The following RPTOR variants were observed in gnomAD, a reference collection of about 807,000 sequenced individuals.
RPTOR encodes the protein regulatory-associated protein of mTOR.
RPTOR carries 21 observed loss-of-function variants against 169.9 expected under a neutral mutation model. The ratio of observed to expected loss-of-function variants is 0.12; its 90% CI spans 0.09 to 0.18. The LOEUF is 0.18. RPTOR is among the 10% of genes least tolerant of loss of function. RPTOR has a pLI of 1.00. For synonymous variants in RPTOR, 732 were observed against 753.2 expected, an observed-to-expected ratio of 0.97 and a Z score of 0.46; for missense variants, 1,133 against 1,855.9, an observed-to-expected ratio of 0.61 and a Z score of 7.16.
chr17:80,720,364 AAG>A (rs978416186), intron 4 of RPTOR, among the ~76,000 whole-genome samples: 1 of 152,234 alleles, frequency 6.6e-6, no homozygotes, highest in African/African-American at 2.4e-5. Flanking sequence ...GATTTTTAAA[AAG>A]TGATATTTAT....
At position 80,964,635 on chromosome 17, in the gene RPTOR, T is replaced by G. The variant is rs1188165494; in HGVS notation, c.*305T>G. Reference sequence around the variant, plus strand: ...CCTGTTCTGTGTTTCTCTGAGACGCTGAAAGGGGAAACACCTCACTTTATT... The same window carrying G: ...CCTGTTCTGTGTTTCTCTGAGACGCGGAAAGGGGAAACACCTCACTTTATT... On this transcript the variant is annotated 3_prime_UTR_variant, in exon 34 of 34. Transcript: ENST00000306801. The G allele has an allele frequency of 1.8e-5, 8 of 448,990 alleles. No individual in the cohort carries two copies. Among genetic ancestry groups the G allele is most frequent in the Non-Finnish European group, 2.4e-5 (6 of 245,870 alleles). The allele number at this position is 448,990 out of a possible 1,614,324, so 27.8% of individuals were successfully genotyped here.
chr17:80,629,714 C>A (rs1046007964), intron 2 of RPTOR, among the ~76,000 whole-genome samples: 12 of 151,388 alleles, frequency 7.9e-5, no homozygotes, highest in African/African-American at 2.4e-4. Context: ...TACCGCAGCT[C>A]TTCCATGTGT....
intron 2 of RPTOR, among the ~76,000 whole-genome samples, chr17:80,634,507 CTGTG>C (rs1371667192): frequency 3.7e-5 from 4 of 106,980 alleles, no homozygotes; most frequent in African/African-American, 1.7e-4. Flanking sequence ...TGTGTGCATA[CTGTG>C]TGTGTGTGCG....
chr17:80,877,640 G>T (rs1312551628), intron 13 of RPTOR, among the ~76,000 whole-genome samples: 1 of 152,216 alleles, frequency 6.6e-6, no homozygotes, highest in Non-Finnish European at 1.5e-5. Flanking sequence ...ACAAAGGAAG[G>T]TGCCTTCATT....
rs1188190563 is a variant in RPTOR, at chr17:80,936,348, T to G, written c.2920-4148T>G. Among the ~76,000 whole-genome samples, 1 of 152,226 alleles carries G rather than the reference T, an allele frequency of 6.6e-6. No individual in the cohort carries two copies. Among genetic ancestry groups the G allele is most frequent in the Non-Finnish European group, 1.5e-5 (1 of 68,042 alleles). ...CCATGCAACCTAACCATTCTACTCC[T>G]GGATATTCACCAAGAGAAGTGAAAA... On this transcript the variant is annotated intron_variant, in intron 24 of 33. Coordinates refer to ENST00000306801, the MANE Select transcript of RPTOR (RefSeq NM_020761.3). The surrounding 1 kb of genome is among the most constrained non-coding windows in gnomAD (Gnocchi z 4.1).
intron 9 of RPTOR, among the ~76,000 whole-genome samples, chr17:80,826,811 C>T (rs2067449003): frequency 6.6e-6 from 1 of 152,276 alleles, no homozygotes; most frequent in African/African-American, 2.4e-5. Context: ...GTGGGCTCCA[C>T]CAGCCACACA....
chr17:80,863,934 A>G (rs548460606), intron 13 of RPTOR, among the ~76,000 whole-genome samples: 32 of 152,338 alleles, frequency 2.1e-4, no homozygotes, highest in African/African-American at 7.2e-4. Context: ...AAAGAAAGAA[A>G]ATAGCAATAG....
intron 1 of RPTOR, among the ~76,000 whole-genome samples, chr17:80,597,278 G>C (rs989702203): frequency 6.6e-6 from 1 of 152,126 alleles, no homozygotes. Context: ...CAGGGAATGC[G>C]GAGTTTAGGG....
chr17:80,680,665 C>T (rs893624472), intron 3 of RPTOR, among the ~76,000 whole-genome samples: 1 of 151,670 alleles, frequency 6.6e-6, no homozygotes, highest in African/African-American at 2.4e-5. Context: ...CAGAACCATG[C>T]CTAGAAAATA....
At chr17:80,712,952 G>A (rs2066207880) in intron 4 of RPTOR, among the ~76,000 whole-genome samples, 1 of 152,160 alleles carries the variant, frequency 6.6e-6, no homozygotes, top group Non-Finnish European at 1.5e-5. Context: ...TATTTGCCGT[G>A]TTATATCTTC....
chr17:80,807,413 G>A (rs541416793), intron 7 of RPTOR, among the ~76,000 whole-genome samples: 25 of 152,118 alleles, frequency 1.6e-4, no homozygotes, highest in East Asian at 1.2e-3. Context: ...GCAATAGCAC[G>A]ATCTCAAGCT....
intron 21 of RPTOR, among the ~76,000 whole-genome samples, chr17:80,910,842 C>CT (rs11351495): frequency 5.1e-4 from 70 of 137,788 alleles, no homozygotes; most frequent in East Asian, 1.0e-3. Flanking sequence ...TTCTTCAGTT[C>CT]TTTTTTTTTT....
intron 16 of RPTOR, among the ~76,000 whole-genome samples, chr17:80,884,784 G>A (rs912667099): frequency 6.6e-6 from 1 of 152,188 alleles, no homozygotes; most frequent in Non-Finnish European, 1.5e-5. Flanking sequence ...TGCAGCTCCC[G>A]CCTCTGCAGT....
At chr17:80,570,515 C>T (rs778124370) in intron 1 of RPTOR, among the ~76,000 whole-genome samples, 47 of 152,062 alleles carry the variant, frequency 3.1e-4, no homozygotes, top group Non-Finnish European at 5.7e-4. Context: ...GGCTGGAGTG[C>T]AATGGTGCAG....
Position 80,893,868 on chromosome 17 carries a change from G to C in RPTOR, c.2401+3G>C, listed in dbSNP as rs1389036462. 4.0e-6 allele frequency: 6 copies of C among 1,518,122 alleles called. No individual in the cohort carries two copies. Among genetic ancestry groups the C allele is most frequent in the Non-Finnish European group, 5.3e-6 (6 of 1,130,960 alleles). The allele number at this position is 1,518,122 out of a possible 1,614,324, so 94.0% of individuals were successfully genotyped here. On this transcript the variant is annotated splice_donor_region_variant and intron_variant, in intron 20 of 33. Coordinates refer to ENST00000306801, the MANE Select transcript of RPTOR (RefSeq NM_020761.3). ...CTCCTCCCTCAACTCCCTCATCGGT[G>C]AGTCCGCCTGCCCCTTTCTGCTTCC...
At chr17:80,877,135 G>T (rs1453143190) in intron 13 of RPTOR, among the ~76,000 whole-genome samples, 1 of 152,188 alleles carries the variant, frequency 6.6e-6, no homozygotes. Context: ...TTCTGCGCGT[G>T]TGTGGTTTCA....
At chr17:80,928,579 C>T (rs961924130) in intron 24 of RPTOR, among the ~76,000 whole-genome samples, 20 of 152,184 alleles carry the variant, frequency 1.3e-4, no homozygotes, top group African/African-American at 4.1e-4. Flanking sequence ...CGTCTGCTAA[C>T]GTTTTTATTA....
At chr17:80,881,934 T>C (rs188340880) in intron 14 of RPTOR, among the ~76,000 whole-genome samples, 2 of 152,380 alleles carry the variant, frequency 1.3e-5, no homozygotes, top group Non-Finnish European at 1.5e-5. Context: ...TTGTGCCTGT[T>C]ATGAGAAAAC....
chr17:80,931,903 C>T (rs775209203), intron 24 of RPTOR, among the ~76,000 whole-genome samples: 1 of 151,442 alleles, frequency 6.6e-6, no homozygotes, highest in Non-Finnish European at 1.5e-5. Flanking sequence ...GAGAAGCCCC[C>T]CAAGGTGCAG....
Sources: gnomAD v4.1 joint callset for allele counts (sites outside exome capture counted in the v4.1 genomes callset) on GRCh38, gnomAD v4.1.1 for gene constraint, Gnocchi (gnomAD v3.1) non-coding constraint, MANE v1.5 for transcripts, NCBI Gene and HGNC (gene_info 2026-07-23, HGNC 2026-07-21) for gene names.